The following GALNT17 variants were observed in gnomAD, a reference collection of about 807,000 sequenced individuals.
The protein encoded by GALNT17 is polypeptide N-acetylgalactosaminyltransferase 17.
A neutral mutation model predicts 63.7 loss-of-function variants in GALNT17; 29 were observed. The ratio of observed to expected loss-of-function variants is 0.46; its 90% CI spans 0.34 to 0.62. The LOEUF is 0.62. Ranked by LOEUF, GALNT17 falls within the 20% of genes least tolerant of loss-of-function variation. The pLI is 0.01. For synonymous variants in GALNT17, 305 were observed against 318.3 expected (o/e 0.96, Z 0.45); for missense variants, 603 against 799.6 (o/e 0.75, Z 2.97).
intron 3 of GALNT17, among the ~76,000 whole-genome samples, chr7:71,409,037 C>CAT (rs1554366781): frequency 6.6e-6 from 1 of 151,498 alleles, no homozygotes; most frequent in East Asian, 1.9e-4. Flanking sequence ...CACACACACA[C>CAT]ACACACACAC....
intron 6 of GALNT17, among the ~76,000 whole-genome samples, chr7:71,580,443 AGATG>A (rs1789619480): frequency 6.7e-6 from 1 of 149,854 alleles, no homozygotes; most frequent in African/African-American, 2.5e-5. Context: ...ATAGATAGAT[AGATG>A]AGACATAGAT....
chr7:71,368,303 G>A (rs576170800), intron 2 of GALNT17, among the ~76,000 whole-genome samples: 2 of 152,214 alleles, frequency 1.3e-5, no homozygotes, highest in Non-Finnish European at 2.9e-5. Flanking sequence ...GTACACTGCT[G>A]TCTTCTTTTC....
At chr7:71,677,444 G>T (rs934988147) in intron 9 of GALNT17, 138 bp downstream of exon 9, 79 of 773,592 alleles carry the variant, frequency 1.0e-4, no homozygotes, top group Non-Finnish European at 1.5e-4. Context: ...TAAGAAGAAG[G>T]TAGGAGTCTT....
chr7:71,270,271 T>C (rs937793791), intron 1 of GALNT17, among the ~76,000 whole-genome samples: 2 of 152,050 alleles, frequency 1.3e-5, no homozygotes, highest in South Asian at 4.1e-4. Context: ...GTATCTCCTC[T>C]ATCTCTCAAT....
At chr7:71,537,950 A>C (rs1359668431) in intron 5 of GALNT17, among the ~76,000 whole-genome samples, 1 of 152,180 alleles carries the variant, frequency 6.6e-6, no homozygotes, top group Non-Finnish European at 1.5e-5. Flanking sequence ...AGAGACTACA[A>C]GAGCCAAGAG....
intron 1 of GALNT17, among the ~76,000 whole-genome samples, chr7:71,231,492 G>A (rs1158613640): frequency 2.6e-5 from 4 of 152,064 alleles, no homozygotes; most frequent in East Asian, 1.9e-4. Flanking sequence ...TGTTTTAGTC[G>A]GCTTGGGCTG....
chr7:71,476,689 C>CT (rs1004880417), intron 5 of GALNT17, among the ~76,000 whole-genome samples: 2 of 152,018 alleles, frequency 1.3e-5, no homozygotes, highest in African/African-American at 4.8e-5. Context: ...GCGGGGAGTG[C>CT]TATTGATGTC....
At chr7:71,423,023 G>A (rs1033772593) in intron 5 of GALNT17, among the ~76,000 whole-genome samples, 1 of 152,156 alleles carries the variant, frequency 6.6e-6, no homozygotes, top group African/African-American at 2.4e-5. Context: ...GTTGTTGCTA[G>A]CCTGCTGGTG....
At chr7:71,454,673 T>C (rs2116560988) in intron 5 of GALNT17, among the ~76,000 whole-genome samples, 1 of 152,250 alleles carries the variant, frequency 6.6e-6, no homozygotes, top group South Asian at 2.1e-4. Context: ...GTCATAAATA[T>C]TTACCAAAGG....
At chr7:71,241,684 T>C (rs1789999589) in intron 1 of GALNT17, among the ~76,000 whole-genome samples, 1 of 152,042 alleles carries the variant, frequency 6.6e-6, no homozygotes, top group African/African-American at 2.4e-5. Context: ...AGCCAGGAGT[T>C]CCCAACCAGC....
At chr7:71,159,660 A>G (rs2116245292) in intron 1 of GALNT17, among the ~76,000 whole-genome samples, 1 of 148,614 alleles carries the variant, frequency 6.7e-6, no homozygotes, top group Non-Finnish European at 1.5e-5. Flanking sequence ...CAGACCTACT[A>G]GATAAAGGGT....
chr7:71,376,425 G>GTGT, intron 2 of GALNT17, among the ~76,000 whole-genome samples: 2 of 63,362 alleles, frequency 3.2e-5, no homozygotes, highest in African/African-American at 1.2e-4. Context: ...GTTTGGAGTT[G>GTGT]TTTTTTTTTT....
At chr7:71,555,179 A>G (rs994571044) in intron 5 of GALNT17, among the ~76,000 whole-genome samples, 1 of 151,878 alleles carries the variant, frequency 6.6e-6, no homozygotes, top group African/African-American at 2.4e-5. Context: ...TCATGACCCA[A>G]ACAGGTCCCA....
chr7:71,187,398 T>C (rs1245302073), intron 1 of GALNT17, among the ~76,000 whole-genome samples: 2 of 151,640 alleles, frequency 1.3e-5, no homozygotes, highest in Admixed American at 6.6e-5. Context: ...TTTAAAACTG[T>C]GAATGCAATA....
At position 71,429,113 on chromosome 7, in the gene GALNT17, G is replaced by A. The variant is rs369458098; in HGVS notation, c.962+8008G>A. On this transcript the variant is annotated intron_variant, in intron 5 of 10. Coordinates refer to ENST00000333538, the MANE Select transcript of GALNT17 (RefSeq NM_022479.3). The stretch of plus-strand genomic sequence containing the variant: ...TTTTTGCAAGATCTCTTTTAATACA[G>A]CATCTATTGTCAGAATGTCTTCAGC... Among the ~76,000 whole-genome samples, 295 of 152,268 alleles carry A rather than the reference G, an allele frequency of 1.9e-3. 10 individuals carry two copies. In the South Asian group the frequency reaches 0.059, roughly 30 times the overall value.
intron 5 of GALNT17, among the ~76,000 whole-genome samples, chr7:71,563,264 T>C (rs1019668146): frequency 3.9e-5 from 6 of 152,240 alleles, no homozygotes; most frequent in Admixed American, 6.5e-5. Flanking sequence ...GAGACTCACG[T>C]TCTCTGATCT....
intron 1 of GALNT17, among the ~76,000 whole-genome samples, chr7:71,328,940 G>A (rs770464825): frequency 6.6e-6 from 1 of 152,066 alleles, no homozygotes; most frequent in Non-Finnish European, 1.5e-5. Flanking sequence ...TCTCCTTCTG[G>A]CCCCTCTGAC....
intron 2 of GALNT17, among the ~76,000 whole-genome samples, chr7:71,341,263 GA>G (rs975127387): frequency 1.3e-5 from 2 of 151,758 alleles, no homozygotes; most frequent in South Asian, 2.1e-4. Context: ...CTAAAAAGTA[GA>G]AAAAAAGAAA....
chr7:71,265,098 T>TTTTATATATA lies in GALNT17; in HGVS notation c.239-70451_239-70450insTTATATATAT, dbSNP rs144493671. 2.1e-3 allele frequency among the ~76,000 whole-genome samples: 163 copies of TTTTATATATA among 78,272 alleles called. 16 individuals are homozygous for TTTTATATATA. The highest frequency in any genetic ancestry group is 3.1e-3 in the Non-Finnish European group (117 of 38,120). The allele number at this position is 78,272 out of a possible 152,430, so 51.3% of individuals were successfully genotyped here. Reference sequence around the variant, plus strand: ...AAATACCACACGTAACCCATAAATATTATATATATATATATATATATTTTT... The same window carrying TTTTATATATA: ...AAATACCACACGTAACCCATAAATATTTTATATATATATATATATATATATATATATTTTT... On this transcript the variant is annotated intron_variant, in intron 1 of 10. Coordinates refer to ENST00000333538, the MANE Select transcript of GALNT17 (RefSeq NM_022479.3).
Sources: gnomAD v4.1 joint callset for allele counts (sites outside exome capture counted in the v4.1 genomes callset) on GRCh38, gnomAD v4.1.1 for gene constraint, MANE v1.5 for transcripts, NCBI Gene and HGNC (gene_info 2026-07-23, HGNC 2026-07-21) for gene names.